The following ETV6 variants were observed in gnomAD, a reference collection of about 807,000 sequenced individuals.
The protein encoded by ETV6 is transcription factor ETV6.
In ETV6, 16 loss-of-function variants were observed where a neutral mutation model predicts 51.1. That is an observed-to-expected ratio of 0.31 (90% confidence interval 0.21 to 0.48). The LOEUF (loss-of-function observed/expected upper bound fraction) is 0.48, where lower values mean the gene tolerates loss of function less well. ETV6 is among the 20% of genes least tolerant of loss of function. The pLI is 0.99. For synonymous variants in ETV6, 240 were observed against 224.1 expected (o/e 1.07, Z -0.64); for missense variants, 458 against 594.8 (o/e 0.77, Z 2.39).
In ETV6 at chr12:11,769,752, C is replaced by T. The variant is rs912558594; in HGVS notation, c.163+17173C>T. Among the ~76,000 whole-genome samples, 8 of 152,310 alleles carry T rather than the reference C, an allele frequency of 5.3e-5. No homozygotes were observed. The South Asian group carries it at 1.2e-3, about 24-fold the overall frequency. ...GACTGTAACATGCCCCTTCACTCCTCTGGTGAGGAAGTGCGGGAAGGTGGA... is the reference window on the plus strand; with the variant it reads ...GACTGTAACATGCCCCTTCACTCCTTTGGTGAGGAAGTGCGGGAAGGTGGA... On this transcript the variant is annotated intron_variant, in intron 2 of 7. Transcript: ENST00000396373.
intron 2 of ETV6, among the ~76,000 whole-genome samples, chr12:11,757,225 A>G (rs991303605): frequency 6.6e-6 from 1 of 152,102 alleles, no homozygotes; most frequent in East Asian, 1.9e-4. Flanking sequence ...TAATAATTTA[A>G]TTTAATGCCT....
intron 1 of ETV6, among the ~76,000 whole-genome samples, chr12:11,749,607 G>T (rs1865983518): frequency 1.3e-5 from 2 of 152,212 alleles, no homozygotes; most frequent in Non-Finnish European, 2.9e-5. Flanking sequence ...CTGCTGATGT[G>T]CCAGGGTAGA....
At chr12:11,654,775 A>G (rs975712930) in intron 1 of ETV6, among the ~76,000 whole-genome samples, 1 of 152,198 alleles carries the variant, frequency 6.6e-6, no homozygotes. Flanking sequence ...TTTTGGGCTG[A>G]AGGCCCCCTA....
intron 5 of ETV6, among the ~76,000 whole-genome samples, chr12:11,878,371 G>A (rs965905937): frequency 2.0e-5 from 3 of 152,164 alleles, no homozygotes; most frequent in Non-Finnish European, 4.4e-5. Flanking sequence ...GTGTAAGGGC[G>A]CACAGTGCTG....
chr12:11,824,342 A>G (rs1321953927), intron 2 of ETV6, among the ~76,000 whole-genome samples: 2 of 152,180 alleles, frequency 1.3e-5, no homozygotes, highest in Non-Finnish European at 2.9e-5. Flanking sequence ...TCGTTCCTAT[A>G]GTAGTGAGGG....
At chr12:11,756,004 T>C (rs1945000427) in intron 2 of ETV6, among the ~76,000 whole-genome samples, 1 of 152,206 alleles carries the variant, frequency 6.6e-6, no homozygotes, top group Admixed American at 6.5e-5. Context: ...AAGGTTCTCA[T>C]ACAGAGAGTT....
intron 3 of ETV6, among the ~76,000 whole-genome samples, chr12:11,844,936 A>G (rs1334767166): frequency 2.0e-5 from 3 of 151,934 alleles, no homozygotes; most frequent in African/African-American, 7.3e-5. Context: ...GGTTCAAGCA[A>G]TTCTCCTGCC....
chr12:11,657,287 C>G (rs1221732530), intron 1 of ETV6, among the ~76,000 whole-genome samples: 1 of 152,170 alleles, frequency 6.6e-6, no homozygotes, highest in Non-Finnish European at 1.5e-5. Context: ...GAGTCAGAAT[C>G]AGTGTTCCAT....
intron 1 of ETV6, among the ~76,000 whole-genome samples, chr12:11,728,762 T>C (rs960913165): frequency 6.6e-6 from 1 of 152,230 alleles, no homozygotes; most frequent in African/African-American, 2.4e-5. Context: ...AATTGGATCA[T>C]AGACATCTAT....
At chr12:11,797,691 G>T (rs1399350109) in intron 2 of ETV6, among the ~76,000 whole-genome samples, 1 of 152,170 alleles carries the variant, frequency 6.6e-6, no homozygotes, top group Admixed American at 6.5e-5. Context: ...TCTGGGTGGA[G>T]CTGAACTTCA....
At chr12:11,690,886 C>CTAAATAAATAAGTAAA (rs143273252) in intron 1 of ETV6, among the ~76,000 whole-genome samples, 3 of 140,536 alleles carry the variant, frequency 2.1e-5, no homozygotes, top group Non-Finnish European at 4.6e-5. Flanking sequence ...GACTCTGTCT[C>CTAAATAAATAAGTAAA]TAAATAAATA....
At chr12:11,784,293 G>A (rs956312673) in intron 2 of ETV6, among the ~76,000 whole-genome samples, 3 of 152,040 alleles carry the variant, frequency 2.0e-5, no homozygotes, top group Non-Finnish European at 4.4e-5. Context: ...GCTGGGCGTG[G>A]TGGCACCCGC....
chr12:11,818,687 G>A (rs933747348), intron 2 of ETV6, among the ~76,000 whole-genome samples: 2 of 152,186 alleles, frequency 1.3e-5, no homozygotes, highest in Non-Finnish European at 2.9e-5. Context: ...GCTTTCCAAG[G>A]ACAGTAGAAA....
At chr12:11,791,790 T>A (rs1945598591) in intron 2 of ETV6, among the ~76,000 whole-genome samples, 1 of 152,170 alleles carries the variant, frequency 6.6e-6, no homozygotes, top group Non-Finnish European at 1.5e-5. Context: ...TAATAATACT[T>A]GTAAATTTTC....
At chr12:11,884,676 T>C (rs1381659182) in intron 6 of ETV6, 89 bp downstream of exon 6, 20 of 1,500,974 alleles carry the variant, frequency 1.3e-5, no homozygotes, top group Non-Finnish European at 8.2e-6. Context: ...TGTCTTCTGC[T>C]TTTTACGTCT....
chr12:11,669,373 T>TCCTCCGTC, intron 1 of ETV6, among the ~76,000 whole-genome samples: 1 of 129,344 alleles, frequency 7.7e-6, no homozygotes, highest in African/African-American at 3.3e-5. Flanking sequence ...CTTCCTCCCT[T>TCCTCCGTC]CCTCCCTCCC....
At chr12:11,766,888 A>G (rs1986946) in intron 2 of ETV6, among the ~76,000 whole-genome samples, 33,822 of 152,000 alleles carry the variant, frequency 0.22, 4,597 homozygotes, top group South Asian at 0.47. Flanking sequence ...TGCTTTGTTG[A>G]AGGAAATAGG....
At chr12:11,837,378 T>C (rs1187809422) in intron 2 of ETV6, among the ~76,000 whole-genome samples, 7 of 152,070 alleles carry the variant, frequency 4.6e-5, no homozygotes, top group South Asian at 2.1e-4. Flanking sequence ...AGTTCTTTTT[T>C]TGGTGCACTA....
intron 2 of ETV6, among the ~76,000 whole-genome samples, chr12:11,819,658 C>T (rs577794744): frequency 6.6e-6 from 1 of 152,294 alleles, no homozygotes; most frequent in Admixed American, 6.5e-5. Flanking sequence ...GAATCAGGAG[C>T]TTGGATTTTG....
Sources: gnomAD v4.1 joint callset for allele counts (sites outside exome capture counted in the v4.1 genomes callset) on GRCh38, gnomAD v4.1.1 for gene constraint, MANE v1.5 for transcripts, NCBI Gene and HGNC (gene_info 2026-07-23, HGNC 2026-07-21) for gene names.